Variants in CIB3 observed in about 807,000 individuals in gnomAD.
CIB3 encodes the protein calcium and integrin-binding family member 3.
In CIB3, 22 loss-of-function variants were observed where a neutral mutation model predicts 23.4. That is an observed-to-expected ratio of 0.94 (90% confidence interval 0.67 to 1.34). The LOEUF is 1.34. Ranked by LOEUF, CIB3 falls within the 40% of genes most tolerant of loss-of-function variation. The pLI, the probability that CIB3 is intolerant of heterozygous loss-of-function variation, is 0.00. For missense variants in CIB3, 258 were observed against 247.3 expected, an observed-to-expected ratio of 1.04 and a Z score of -0.29; for synonymous variants, 93 against 95.8, an observed-to-expected ratio of 0.97 and a Z score of 0.17.
chr19:16,173,326 G>T, intron 1 of CIB3, 99 bp downstream of exon 1: 1 of 1,562,612 alleles, frequency 6.4e-7, no homozygotes, highest in African/African-American at 1.4e-5. Context: ...AGGAACCCAG[G>T]CGGACGGTAC....
At chr19:16,168,869 A>T (rs1599436624) in intron 3 of CIB3, among the ~76,000 whole-genome samples, 2 of 152,210 alleles carry the variant, frequency 1.3e-5, no homozygotes, top group South Asian at 2.1e-4. Flanking sequence ...ATCCATTTTG[A>T]TCCAAACCAT....
At chr19:16,168,396 C>A in intron 3 of CIB3, 112 bp from the exon 4 acceptor site, 1 of 1,404,528 alleles carries the variant, frequency 7.1e-7, no homozygotes, top group Non-Finnish European at 9.6e-7. Context: ...TACCCTCCAT[C>A]AAGACCCACT....
intron 4 of CIB3, among the ~76,000 whole-genome samples, chr19:16,167,668 C>T (rs770731077): frequency 2.0e-5 from 3 of 151,916 alleles, no homozygotes; most frequent in Non-Finnish European, 1.5e-5. Flanking sequence ...CCCGTTTCTA[C>T]TAAAAATACA....
intron 4 of CIB3, among the ~76,000 whole-genome samples, chr19:16,166,147 CG>C (rs954778724): frequency 9.9e-5 from 15 of 151,926 alleles, no homozygotes; most frequent in African/African-American, 3.6e-4. Context: ...CAAAAATTAG[CG>C]GGGCGTGGTG....
intron 5 of CIB3, 122 bp from the exon 6 acceptor site, chr19:16,161,608 T>A: frequency 1.1e-6 from 1 of 901,112 alleles, no homozygotes; most frequent in East Asian, 3.1e-5. Flanking sequence ...CATGGACCCC[T>A]CAAACAACCC....
intron 2 of CIB3, among the ~76,000 whole-genome samples, chr19:16,170,537 G>A: frequency 6.6e-6 from 1 of 152,188 alleles, no homozygotes; most frequent in East Asian, 1.9e-4. Context: ...ATGGGAGGAA[G>A]AGGCCGGATG....
At chr19:16,171,897 G>A (rs910276744) in intron 2 of CIB3, among the ~76,000 whole-genome samples, 4 of 152,276 alleles carry the variant, frequency 2.6e-5, no homozygotes, top group African/African-American at 9.6e-5. Context: ...CGATCACACT[G>A]CAGCTGAACC....
chr19:16,162,990 A>G (rs1466132914), intron 5 of CIB3, among the ~76,000 whole-genome samples: 1 of 147,628 alleles, frequency 6.8e-6, no homozygotes, highest in Non-Finnish European at 1.5e-5. Flanking sequence ...TTCGGGTTCA[A>G]GTTACTCTCC....
At chr19:16,166,173 C>G (rs1041036837) in intron 4 of CIB3, among the ~76,000 whole-genome samples, 2 of 152,120 alleles carry the variant, frequency 1.3e-5, no homozygotes, top group East Asian at 3.9e-4. Flanking sequence ...TGCCTGTAAT[C>G]CCAGCTACTA....
intron 4 of CIB3, among the ~76,000 whole-genome samples, chr19:16,165,741 C>G (rs910581419): frequency 6.6e-6 from 1 of 152,198 alleles, no homozygotes; most frequent in Non-Finnish European, 1.5e-5. Context: ...CCACACCCAA[C>G]CTCATTCATT....
intron 5 of CIB3, among the ~76,000 whole-genome samples, chr19:16,163,472 T>G (rs975154438): frequency 5.9e-5 from 9 of 152,044 alleles, no homozygotes; most frequent in African/African-American, 2.2e-4. Flanking sequence ...GGAGAATCAC[T>G]TGAACCCAGG....
At chr19:16,162,072 G>A (rs1379827109) in intron 5 of CIB3, among the ~76,000 whole-genome samples, 3 of 151,866 alleles carry the variant, frequency 2.0e-5, no homozygotes, top group Non-Finnish European at 4.4e-5. Context: ...TGATGGATAT[G>A]CTAATGACCC....
chr19:16,172,114 G>A (rs1383838311), intron 2 of CIB3, among the ~76,000 whole-genome samples: 1 of 152,188 alleles, frequency 6.6e-6, no homozygotes, highest in African/African-American at 2.4e-5. Context: ...CTTTGCACCT[G>A]GGCTCCCAGC....
chr19:16,169,267 C>T (rs2091317981), intron 3 of CIB3, among the ~76,000 whole-genome samples: 4 of 152,142 alleles, frequency 2.6e-5, no homozygotes, highest in Admixed American at 2.6e-4. Context: ...CCTCAGTCTC[C>T]CTAGTAGCTG....
intron 2 of CIB3, among the ~76,000 whole-genome samples, chr19:16,171,953 C>T (rs946242203): frequency 1.3e-5 from 2 of 152,226 alleles, no homozygotes; most frequent in African/African-American, 4.8e-5. Flanking sequence ...GGTCGGGGCC[C>T]CTGGGCAATG....
chr19:16,165,744 C>T (rs565639826), intron 4 of CIB3, among the ~76,000 whole-genome samples: 1 of 152,270 alleles, frequency 6.6e-6, no homozygotes, highest in East Asian at 1.9e-4. Context: ...CACCCAACCT[C>T]ATTCATTCAT....
intron 5 of CIB3, among the ~76,000 whole-genome samples, chr19:16,162,794 A>G (rs531548943): frequency 6.6e-6 from 1 of 152,120 alleles, no homozygotes; most frequent in East Asian, 1.9e-4. Context: ...TTAATAAAAT[A>G]AAACAAACAA....
intron 5 of CIB3, among the ~76,000 whole-genome samples, chr19:16,162,169 G>A (rs1599433221): frequency 6.6e-6 from 1 of 150,456 alleles, no homozygotes; most frequent in Admixed American, 6.7e-5. Flanking sequence ...GACTTTGGGA[G>A]GCCAAGGCAG....
chr19:16,164,963 G>T, intron 4 of CIB3, 50 bp from the exon 5 acceptor site: 1 of 1,503,616 alleles, frequency 6.7e-7, no homozygotes, highest in Non-Finnish European at 9.2e-7. Flanking sequence ...GGAGGGCTAG[G>T]CCGGCTGTGG....
Sources: gnomAD v4.1 joint callset for allele counts (sites outside exome capture counted in the v4.1 genomes callset) on GRCh38, gnomAD v4.1.1 for gene constraint, MANE v1.5 for transcripts, NCBI Gene and HGNC (gene_info 2026-07-23, HGNC 2026-07-21) for gene names.